KCNH7: variants seen among roughly 807,000 people sequenced by gnomAD.
The protein encoded by KCNH7 is voltage-gated inwardly rectifying potassium channel KCNH7.
In KCNH7, 49 loss-of-function variants were observed where a neutral mutation model predicts 120.8. That is an observed-to-expected ratio of 0.41 (90% CI 0.32 to 0.51). KCNH7 has a LOEUF of 0.51. Among genes scored for constraint, KCNH7 ranks in the 20% least tolerant of loss-of-function variants. The probability of loss-of-function intolerance (pLI) is 0.38; values close to 1 mark genes in which losing one functional copy is unlikely to be tolerated. For missense variants in KCNH7, 1,097 were observed against 1,446.6 expected (o/e 0.76, Z 3.92); for synonymous variants, 547 against 516.1 (o/e 1.06, Z -0.81).
At chr2:162,381,221 T>C (rs1218277875) in intron 13 of KCNH7, among the ~76,000 whole-genome samples, 1 of 152,050 alleles carries the variant, frequency 6.6e-6, no homozygotes, top group Non-Finnish European at 1.5e-5. Context: ...ATAGAAAGAC[T>C]TAAAAAAAAC....
chr2:162,544,844 G>T (rs1022658573), intron 2 of KCNH7, among the ~76,000 whole-genome samples: 1 of 152,042 alleles, frequency 6.6e-6, no homozygotes, highest in Non-Finnish European at 1.5e-5. Context: ...ATTGGCTCAT[G>T]ACCGTTTTCC....
intron 2 of KCNH7, among the ~76,000 whole-genome samples, chr2:162,595,070 A>G (rs191811603): frequency 6.6e-6 from 1 of 152,162 alleles, no homozygotes; most frequent in East Asian, 1.9e-4. Flanking sequence ...AGTTTTATTG[A>G]CTCATATAAT....
At chr2:162,514,630 A>C (rs542269793) in intron 4 of KCNH7, among the ~76,000 whole-genome samples, 1 of 151,830 alleles carries the variant, frequency 6.6e-6, no homozygotes, top group East Asian at 2.0e-4. Context: ...TGTCTGATTA[A>C]TCTAATAATA....
At chr2:162,816,392 T>C (rs889865081) in intron 2 of KCNH7, among the ~76,000 whole-genome samples, 7 of 152,122 alleles carry the variant, frequency 4.6e-5, no homozygotes, top group African/African-American at 1.7e-4. Context: ...AAAAATTGAC[T>C]TTCATTAAAA....
rs180879481 is a variant in KCNH7, at chr2:162,502,556, C to T, written c.1128+1887G>A. 1.5e-3 allele frequency among the ~76,000 whole-genome samples: 233 copies of T among 152,178 alleles called. 3 individuals carry two copies. Among genetic ancestry groups the T allele is most frequent in the Middle Eastern group, 6.8e-3 (2 of 294 alleles). ...ATCCCGTTTGACTCTGATTTATGCTCTTAAAATTTACTGACTACGCAGTTT... is the reference window on the plus strand; with the variant it reads ...ATCCCGTTTGACTCTGATTTATGCTTTTAAAATTTACTGACTACGCAGTTT... On this transcript the variant is annotated intron_variant, in intron 6 of 15. Transcript: ENST00000332142.
At chr2:162,636,435 C>T (rs1683966714) in intron 2 of KCNH7, among the ~76,000 whole-genome samples, 1 of 152,074 alleles carries the variant, frequency 6.6e-6, no homozygotes, top group Non-Finnish European at 1.5e-5. Flanking sequence ...CTGTTGGACT[C>T]TCATCGTGTT....
At chr2:162,787,791 C>A (rs1032373414) in intron 2 of KCNH7, among the ~76,000 whole-genome samples, 2 of 152,104 alleles carry the variant, frequency 1.3e-5, no homozygotes, top group African/African-American at 4.8e-5. Context: ...ATCCACAGAC[C>A]CACAGACTCA....
chr2:162,515,069 G>A (rs1226374341), intron 4 of KCNH7, among the ~76,000 whole-genome samples: 1 of 151,670 alleles, frequency 6.6e-6, no homozygotes, highest in Non-Finnish European at 1.5e-5. Context: ...TAAAGTCTTA[G>A]GGAATGTAGT....
At chr2:162,422,865 G>A (rs1244929946) in intron 9 of KCNH7, among the ~76,000 whole-genome samples, 5 of 152,134 alleles carry the variant, frequency 3.3e-5, no homozygotes, top group Non-Finnish European at 7.4e-5. Context: ...AAGTGCTTAT[G>A]TATACTTAAG....
At chr2:162,607,589 A>G (rs951705135) in intron 2 of KCNH7, among the ~76,000 whole-genome samples, 2 of 152,160 alleles carry the variant, frequency 1.3e-5, no homozygotes, top group Admixed American at 1.3e-4. Context: ...TGAAATATTA[A>G]GAACATGTTT....
At chr2:162,508,815 G>A (rs1690971023) in intron 5 of KCNH7, among the ~76,000 whole-genome samples, 1 of 151,410 alleles carries the variant, frequency 6.6e-6, no homozygotes, top group Non-Finnish European at 1.5e-5. Context: ...GAACAGATGG[G>A]ATTTAGGATT....
At chr2:162,811,172 A>G (rs1684721247) in intron 2 of KCNH7, among the ~76,000 whole-genome samples, 1 of 152,168 alleles carries the variant, frequency 6.6e-6, no homozygotes, top group South Asian at 2.1e-4. Context: ...GAAGTGAGAT[A>G]GGAACCCGAA....
intron 2 of KCNH7, among the ~76,000 whole-genome samples, chr2:162,770,972 C>T (rs73014151): frequency 0.03 from 4,623 of 152,140 alleles, 228 homozygotes; most frequent in African/African-American, 0.1. Flanking sequence ...CTTAGACTTG[C>T]CTTTTCTTCC....
chr2:162,526,761 C>T (rs1186394459), intron 3 of KCNH7, among the ~76,000 whole-genome samples: 2 of 151,998 alleles, frequency 1.3e-5, no homozygotes, highest in African/African-American at 4.8e-5. Flanking sequence ...GTGCAGTTAA[C>T]ACAATCATCA....
intron 2 of KCNH7, among the ~76,000 whole-genome samples, chr2:162,562,692 C>T (rs773780057): frequency 1.5e-4 from 23 of 152,098 alleles, no homozygotes; most frequent in Non-Finnish European, 2.5e-4. Context: ...AGGGTGGCTT[C>T]CACCAAAGAG....
At chr2:162,678,235 G>A (rs556541419) in intron 2 of KCNH7, among the ~76,000 whole-genome samples, 23 of 151,368 alleles carry the variant, frequency 1.5e-4, no homozygotes, top group Admixed American at 1.1e-3. Context: ...TCTTGTGAGA[G>A]TAAGAAACTA....
intron 2 of KCNH7, among the ~76,000 whole-genome samples, chr2:162,682,987 T>C (rs1483466341): frequency 6.6e-6 from 1 of 151,876 alleles, no homozygotes; most frequent in African/African-American, 2.4e-5. Context: ...GTCTAATTTT[T>C]TTATTTCTTC....
chr2:162,791,997 G>T (rs957287239), intron 2 of KCNH7, among the ~76,000 whole-genome samples: 1 of 151,678 alleles, frequency 6.6e-6, no homozygotes, highest in African/African-American at 2.4e-5. Flanking sequence ...ACATGAAGGG[G>T]TGCTGAATTT....
intron 2 of KCNH7, among the ~76,000 whole-genome samples, chr2:162,685,236 C>T (rs1350980601): frequency 6.6e-6 from 1 of 151,964 alleles, no homozygotes; most frequent in Non-Finnish European, 1.5e-5. Flanking sequence ...AGGAGAAATA[C>T]CTAACATAGA....
Sources: gnomAD v4.1 joint callset for allele counts (sites outside exome capture counted in the v4.1 genomes callset) on GRCh38, gnomAD v4.1.1 for gene constraint, MANE v1.5 for transcripts, NCBI Gene and HGNC (gene_info 2026-07-23, HGNC 2026-07-21) for gene names.